The following SEM1 variants were observed in gnomAD, a reference collection of about 807,000 sequenced individuals.
SEM1 encodes the protein 26S proteasome complex subunit SEM1.
Under a neutral mutation model 12.7 loss-of-function variants are expected in SEM1, and 3 were observed. The ratio of observed to expected loss-of-function variants is 0.24; its 90% CI spans 0.11 to 0.61. The LOEUF is 0.61. SEM1 is among the 20% of genes least tolerant of loss of function. The pLI is 0.88. For synonymous variants in SEM1, 30 were observed against 27.8 expected (o/e 1.08, Z -0.25); for missense variants, 59 against 81.3 (o/e 0.73, Z 1.06).
chr7:96,599,924 A>ATCTAAACATGCTTATCTAAACAT (rs1439480878), intron 2 of SEM1, among the ~76,000 whole-genome samples: 288 of 152,328 alleles, frequency 1.9e-3, no homozygotes, highest in Non-Finnish European at 3.7e-3. Flanking sequence ...AGAACATGTT[A>ATCTAAACATGCTTATCTAAACAT]GCTTATCTAA....
chr7:96,653,154 A>ATGAT (rs572642734), intron 2 of SEM1, among the ~76,000 whole-genome samples: 20 of 152,344 alleles, frequency 1.3e-4, no homozygotes, highest in African/African-American at 4.6e-4. Context: ...TGGTAAGGCC[A>ATGAT]TGATTCCCAC....
chr7:96,623,666 T>C (rs1232314976), intron 2 of SEM1, among the ~76,000 whole-genome samples: 1 of 151,484 alleles, frequency 6.6e-6, no homozygotes, highest in African/African-American at 2.4e-5. Flanking sequence ...TGTCTATATA[T>C]GGAAGAATAT....
At chr7:96,525,235 C>G (rs1311969074) in intron 2 of SEM1, among the ~76,000 whole-genome samples, 1 of 151,130 alleles carries the variant, frequency 6.6e-6, no homozygotes, top group African/African-American at 2.4e-5. Flanking sequence ...TTATTCTCAT[C>G]ATTGATCTTG....
intron 2 of SEM1, among the ~76,000 whole-genome samples, chr7:96,583,278 G>A (rs893364155): frequency 1.6e-4 from 23 of 146,996 alleles, no homozygotes; most frequent in South Asian, 4.7e-4. Flanking sequence ...GTAGTTGAGC[G>A]GTTTTGAGTG....
intron 2 of SEM1, among the ~76,000 whole-genome samples, chr7:96,616,251 T>C (rs7777954): frequency 6.6e-6 from 1 of 152,158 alleles, no homozygotes; most frequent in African/African-American, 2.4e-5. Flanking sequence ...TGGTGTTTGA[T>C]GGTATCTCAT....
intron 2 of SEM1, among the ~76,000 whole-genome samples, chr7:96,666,033 GA>G (rs1563104092): frequency 6.6e-6 from 1 of 152,154 alleles, no homozygotes; most frequent in African/African-American, 2.4e-5. Flanking sequence ...TAGCAAGTGG[GA>G]AAAAAGCTGT....
At chr7:96,495,900 A>G (rs1046717072) in intron 1 of SEM1, among the ~76,000 whole-genome samples, 9 of 151,976 alleles carry the variant, frequency 5.9e-5, no homozygotes, top group Non-Finnish European at 1.2e-4. Flanking sequence ...CCTGAGATCT[A>G]TCTCTCCCCC....
intron 1 of SEM1, among the ~76,000 whole-genome samples, chr7:96,701,803 A>C (rs1295202449): frequency 6.6e-6 from 1 of 152,190 alleles, no homozygotes; most frequent in Admixed American, 6.5e-5. Flanking sequence ...CTTATGAGGG[A>C]AAAGGTGAAC....
At position 96,554,133 on chromosome 7, in the gene SEM1, G is replaced by A. The variant is rs371238990; in HGVS notation, c.171-47435C>T. 4.1e-3 allele frequency among the ~76,000 whole-genome samples: 609 copies of A among 149,894 alleles called. 3 individuals carry two copies. Among genetic ancestry groups the A allele is most frequent in the African/African-American group, 0.014 (584 of 40,556 alleles). ...GGTTTTCTAGATATACAATCATGTCGTCTGCAAACAGGGACAATTTGACTT... is the reference window on the plus strand; with the variant it reads ...GGTTTTCTAGATATACAATCATGTCATCTGCAAACAGGGACAATTTGACTT... On this transcript the variant is annotated intron_variant and NMD_transcript_variant, in intron 2 of 3. Coordinates refer to the SEM1 transcript ENST00000466986.
intron 3 of SEM1, chr7:96,484,795 T>G (rs1213179068): frequency 1.6e-6 from 2 of 1,257,500 alleles, no homozygotes; most frequent in South Asian, 2.5e-5. Flanking sequence ...AGTTACCCAT[T>G]TATATCCATT....
intron 2 of SEM1, among the ~76,000 whole-genome samples, chr7:96,521,606 T>C (rs907144930): frequency 1.3e-5 from 2 of 152,136 alleles, no homozygotes; most frequent in Non-Finnish European, 2.9e-5. Context: ...GTATTTTCGG[T>C]CAGGTCACAA....
At chr7:96,702,215 A>G (rs1330660947) in intron 1 of SEM1, among the ~76,000 whole-genome samples, 2 of 152,126 alleles carry the variant, frequency 1.3e-5, no homozygotes, top group East Asian at 3.9e-4. Context: ...TTGAACTGCA[A>G]TTGGAGACAT....
intron 2 of SEM1, among the ~76,000 whole-genome samples, chr7:96,611,076 G>A (rs988501057): frequency 1.1e-4 from 16 of 152,096 alleles, no homozygotes; most frequent in African/African-American, 3.6e-4. Context: ...ACCCAGACAA[G>A]CTTTGTTACA....
intron 2 of SEM1, among the ~76,000 whole-genome samples, chr7:96,546,066 A>G (rs1805093433): frequency 6.6e-6 from 1 of 152,112 alleles, no homozygotes; most frequent in Non-Finnish European, 1.5e-5. Flanking sequence ...TGTTTCTCTG[A>G]GAAGAATCTT....
intron 2 of SEM1, among the ~76,000 whole-genome samples, chr7:96,584,486 C>T (rs942026682): frequency 2.6e-5 from 4 of 152,088 alleles, no homozygotes; most frequent in African/African-American, 4.8e-5. Flanking sequence ...GTGGCATTCT[C>T]TCTATTTCCT....
chr7:96,698,847 T>A, intron 1 of SEM1, among the ~76,000 whole-genome samples: 1 of 152,196 alleles, frequency 6.6e-6, no homozygotes, highest in East Asian at 1.9e-4. Context: ...CCACATTGTC[T>A]TCCACAATGG....
At chr7:96,489,434 G>A (rs1802912616) in intron 1 of SEM1, among the ~76,000 whole-genome samples, 1 of 152,130 alleles carries the variant, frequency 6.6e-6, no homozygotes, top group African/African-American at 2.4e-5. Context: ...TGATGCTGAT[G>A]CTAATGAAGA....
chr7:96,578,027 A>G (rs890556036), intron 2 of SEM1, among the ~76,000 whole-genome samples: 3 of 152,132 alleles, frequency 2.0e-5, no homozygotes, highest in Non-Finnish European at 4.4e-5. Context: ...GGCTAAATAA[A>G]AAATGAACCA....
At chr7:96,516,747 T>A (rs563618949) in intron 2 of SEM1, among the ~76,000 whole-genome samples, 1 of 152,110 alleles carries the variant, frequency 6.6e-6, no homozygotes, top group Non-Finnish European at 1.5e-5. Context: ...TCTAAAGGAG[T>A]TGAAAACTTA....
Sources: allele counts gnomAD v4.1 joint callset (sites outside exome capture counted in the v4.1 genomes callset), GRCh38; gene constraint gnomAD v4.1.1; transcripts MANE v1.5; gene names NCBI Gene and HGNC (gene_info 2026-07-23, HGNC 2026-07-21).